RFX3: variants seen among roughly 807,000 people sequenced by gnomAD.
RFX3 encodes regulatory factor X3, also known as transcription factor RFX3.
RFX3 carries 14 observed loss-of-function variants against 98.6 expected under a neutral mutation model. That is an observed-to-expected ratio of 0.14 (90% CI 0.09 to 0.22). The LOEUF is 0.22. Ranked by LOEUF, RFX3 falls within the 10% of genes least tolerant of loss-of-function variation. The pLI, the probability that RFX3 is intolerant of heterozygous loss-of-function variation, is 1.00. For synonymous variants in RFX3, 383 were observed against 328.4 expected, an observed-to-expected ratio of 1.17 and a Z score of -1.80; for missense variants, 639 against 926.9, an observed-to-expected ratio of 0.69 and a Z score of 4.03.
intron 1 of RFX3, among the ~76,000 whole-genome samples, chr9:3,493,466 C>G (rs1309564083): frequency 6.6e-6 from 1 of 151,796 alleles, no homozygotes; most frequent in Non-Finnish European, 1.5e-5. Flanking sequence ...AGGCAGATCA[C>G]GAGGTCAGGA....
chr9:3,478,262 A>G lies in RFX3; in HGVS notation c.-9+47485T>C, dbSNP rs1347726570. On this transcript the variant is annotated intron_variant, in intron 1 of 16. Coordinates refer to ENST00000617270, the MANE Select transcript of RFX3 (RefSeq NM_001282116.2). The stretch of plus-strand genomic sequence containing the variant: ...TAGGTAATATATTTTAACAAATCTC[A>G]TATCAGATTGCTCCACATTATTCCC... 3.9e-5 allele frequency among the ~76,000 whole-genome samples: 6 copies of G among 152,166 alleles called. No homozygotes were observed. The East Asian group carries it at 7.7e-4, about 20-fold the overall frequency.
chr9:3,507,124 C>A (rs946040674), intron 1 of RFX3, among the ~76,000 whole-genome samples: 1 of 151,686 alleles, frequency 6.6e-6, no homozygotes, highest in African/African-American at 2.4e-5. Flanking sequence ...AGCTTATAAA[C>A]AATTTAAAAA....
chr9:3,313,508 G>A (rs7859468), intron 4 of RFX3, among the ~76,000 whole-genome samples: 16,568 of 152,252 alleles, frequency 0.11, 911 homozygotes, highest in Middle Eastern at 0.19. Context: ...AACAAAGCTG[G>A]ATGGAGAATA....
intron 1 of RFX3, among the ~76,000 whole-genome samples, chr9:3,429,223 C>T (rs1160027050): frequency 4.6e-5 from 7 of 150,756 alleles, no homozygotes; most frequent in South Asian, 2.1e-4. Flanking sequence ...GGGGTTTCAC[C>T]GTGTTAGCCA....
chr9:3,366,733 T>TCTTTCTTTCTTTCTTTCTTTCTTC (rs1837238227), intron 2 of RFX3, among the ~76,000 whole-genome samples: 2 of 148,944 alleles, frequency 1.3e-5, no homozygotes, highest in Admixed American at 6.7e-5. Context: ...TTTCTTTCTT[T>TCTTTCTTTCTTTCTTTCTTTCTTC]CTTTCTTTCT....
In RFX3 at chr9:3,415,082, T is replaced by A. The variant is rs10971874; in HGVS notation, c.-8-19486A>T. ...TACTCATATATAAGTATATATATATTCTTATATATATACTCATATATAAGT... is the reference window on the plus strand; with the variant it reads ...TACTCATATATAAGTATATATATATACTTATATATATACTCATATATAAGT... On this transcript the variant is annotated intron_variant, in intron 1 of 16. Coordinates refer to ENST00000617270, the MANE Select transcript of RFX3 (RefSeq NM_001282116.2). Among the ~76,000 whole-genome samples, 660 of 130,080 alleles carry A rather than the reference T, an allele frequency of 5.1e-3. 6 individuals are homozygous for A. Among genetic ancestry groups the A allele is most frequent in the East Asian group, 0.018 (86 of 4,752 alleles). The allele number at this position is 130,080 out of a possible 152,430, so 85.3% of individuals were successfully genotyped here. A position where few individuals can be genotyped will look rare whatever the true frequency, so the allele number is the denominator to read the frequency against.
chr9:3,307,029 G>A (rs991427753), intron 4 of RFX3, among the ~76,000 whole-genome samples: 2 of 152,032 alleles, frequency 1.3e-5, no homozygotes, highest in African/African-American at 2.4e-5. Context: ...TCGATCTCAT[G>A]AGATTTCATG....
intron 7 of RFX3, 45 bp from the exon 8 acceptor site, chr9:3,277,506 T>C (rs1825388886): frequency 6.4e-7 from 1 of 1,570,112 alleles, no homozygotes; most frequent in Non-Finnish European, 8.8e-7. Context: ...AAATTATTCC[T>C]TGCTTTTTTG....
intron 3 of RFX3, among the ~76,000 whole-genome samples, chr9:3,336,915 T>C (rs1339934782): frequency 6.6e-6 from 1 of 152,180 alleles, no homozygotes; most frequent in East Asian, 1.9e-4. Flanking sequence ...ATAAATGATT[T>C]GTGTGTGAAT....
intron 1 of RFX3, among the ~76,000 whole-genome samples, chr9:3,468,085 A>T (rs747598889): frequency 2.0e-5 from 3 of 152,194 alleles, no homozygotes; most frequent in African/African-American, 7.2e-5. Context: ...CGATGCCTCA[A>T]GTTTTACAGA....
chr9:3,460,656 G>A (rs555360856), intron 1 of RFX3, among the ~76,000 whole-genome samples: 1 of 151,816 alleles, frequency 6.6e-6, no homozygotes, highest in East Asian at 1.9e-4. Context: ...AATGAAGCAG[G>A]ATTTCATAGA....
At chr9:3,238,052 A>T (rs538567745) in intron 15 of RFX3, among the ~76,000 whole-genome samples, 1 of 152,286 alleles carries the variant, frequency 6.6e-6, no homozygotes, top group Admixed American at 6.5e-5. Flanking sequence ...ATGAACAGAC[A>T]GTTCACAACG....
rs944720318 is a variant in RFX3, at chr9:3,369,689, T to C, written c.118-22925A>G. On this transcript the variant is annotated intron_variant, in intron 2 of 16. Transcript: ENST00000617270. Reference sequence around the variant, plus strand: ...AATCAGATAATTACTTAAAGAATACTTTTACACTAGCGAAAGCAAATGATA... The same window carrying C: ...AATCAGATAATTACTTAAAGAATACCTTTACACTAGCGAAAGCAAATGATA... Among the ~76,000 whole-genome samples the C allele has an allele frequency of 3.3e-5, 5 of 152,328 alleles. 1 individual carries two copies. The South Asian group carries it at 1.0e-3, about 32-fold the overall frequency.
chr9:3,515,618 A>G (rs1818077398), intron 1 of RFX3, among the ~76,000 whole-genome samples: 1 of 152,192 alleles, frequency 6.6e-6, no homozygotes, highest in South Asian at 2.1e-4. Context: ...CTGCCCTTCT[A>G]CAGCAACCTC....
chr9:3,276,046 G>C (rs1825171068), intron 8 of RFX3, among the ~76,000 whole-genome samples: 2 of 152,084 alleles, frequency 1.3e-5, no homozygotes, highest in South Asian at 4.1e-4. Flanking sequence ...CTACAAAGCA[G>C]ATACAAAGAA....
chr9:3,357,605 G>C (rs1835927018), intron 2 of RFX3, among the ~76,000 whole-genome samples: 1 of 151,956 alleles, frequency 6.6e-6, no homozygotes, highest in Non-Finnish European at 1.5e-5. Context: ...AATGAGGAAG[G>C]GAGGATGAAG....
chr9:3,405,980 G>A (rs1841932955), intron 1 of RFX3, among the ~76,000 whole-genome samples: 1 of 151,834 alleles, frequency 6.6e-6, no homozygotes, highest in Non-Finnish European at 1.5e-5. Flanking sequence ...TTTGAGACAA[G>A]GTCTCACTCT....
At chr9:3,299,442 G>T (rs1828383159) in intron 5 of RFX3, among the ~76,000 whole-genome samples, 1 of 151,642 alleles carries the variant, frequency 6.6e-6, no homozygotes, top group African/African-American at 2.4e-5. Flanking sequence ...ACCATCCGTA[G>T]AATCATTTTT....
intron 1 of RFX3, among the ~76,000 whole-genome samples, chr9:3,420,211 T>C (rs1843325123): frequency 6.6e-6 from 1 of 152,178 alleles, no homozygotes; most frequent in African/African-American, 2.4e-5. Context: ...AGTCAGCAGC[T>C]TTCACCACTT....
Sources: gnomAD v4.1 joint callset for allele counts (sites outside exome capture counted in the v4.1 genomes callset) on GRCh38, gnomAD v4.1.1 for gene constraint, MANE v1.5 for transcripts, NCBI Gene and HGNC (gene_info 2026-07-23, HGNC 2026-07-21) for gene names.